Variants in SPEF2 observed in about 807,000 individuals in gnomAD.
SPEF2 encodes the protein sperm flagella and cilia-associated protein 2.
In SPEF2, 187 loss-of-function variants were observed where a neutral mutation model predicts 224.6. The observed-to-expected ratio is 0.83, with a 90% CI of 0.74 to 0.94. The LOEUF (loss-of-function observed/expected upper bound fraction) is 0.94. Ranked by LOEUF, SPEF2 falls within the 40% of genes least tolerant of loss-of-function variation. The pLI is 0.00. For missense variants in SPEF2, 2,170 were observed against 2,135.6 expected (o/e 1.02, Z -0.32); for synonymous variants, 715 against 707.3 (o/e 1.01, Z -0.17).
chr5:35,796,989 A>C (rs1756757579), intron 33 of SPEF2, among the ~76,000 whole-genome samples: 1 of 152,168 alleles, frequency 6.6e-6, no homozygotes, highest in Admixed American at 6.5e-5. Context: ...GCGTTTTGGA[A>C]TGGTCTGTAT....
At chr5:35,710,919 G>C (rs936759456) in intron 19 of SPEF2, 1 of 980,646 alleles carries the variant, frequency 1.0e-6, no homozygotes. Context: ...AGAATGTTTA[G>C]AAAGGTTAAT....
intron 25 of SPEF2, among the ~76,000 whole-genome samples, chr5:35,761,430 G>A (rs2149752528): frequency 6.6e-6 from 1 of 152,166 alleles, no homozygotes; most frequent in South Asian, 2.1e-4. Flanking sequence ...ATTACCTATT[G>A]TATGTTCCTG....
intron 26 of SPEF2, among the ~76,000 whole-genome samples, chr5:35,771,252 AG>A (rs1424875248): frequency 6.6e-5 from 10 of 152,208 alleles, no homozygotes; most frequent in African/African-American, 2.4e-4. Context: ...AAGAGATTAA[AG>A]GAACTGAGAA....
intron 12 of SPEF2, 106 bp downstream of exon 12, chr5:35,692,830 C>A: frequency 2.1e-6 from 2 of 974,986 alleles, no homozygotes; most frequent in Non-Finnish European, 2.9e-6. Flanking sequence ...TCTGTACAGA[C>A]CCAGAGAGTA....
chr5:35,635,801 A>C (rs1745752441), intron 2 of SPEF2, among the ~76,000 whole-genome samples: 1 of 152,188 alleles, frequency 6.6e-6, no homozygotes, highest in Non-Finnish European at 1.5e-5. Context: ...AGCCTCATAG[A>C]GTGTTTATGT....
intron 10 of SPEF2, among the ~76,000 whole-genome samples, chr5:35,677,087 TTCC>T (rs1752131040): frequency 6.6e-6 from 1 of 152,116 alleles, no homozygotes. Flanking sequence ...GAAGAGGGTA[TTCC>T]GTGTGGAAAA....
At chr5:35,631,075 G>A (rs1372253581) in intron 2 of SPEF2, among the ~76,000 whole-genome samples, 3 of 152,180 alleles carry the variant, frequency 2.0e-5, no homozygotes, top group African/African-American at 7.2e-5. Context: ...ATTTACAAAA[G>A]AAAGTTGTTT....
chr5:35,773,746 A>T (rs1361237187), intron 27 of SPEF2, 147 bp from the exon 28 acceptor site: 2 of 904,270 alleles, frequency 2.2e-6, no homozygotes, highest in Non-Finnish European at 3.1e-6. Flanking sequence ...TTCATCACAG[A>T]TGCTGGGAGG....
intron 7 of SPEF2, among the ~76,000 whole-genome samples, chr5:35,658,189 T>C (rs1406351293): frequency 6.6e-6 from 1 of 152,202 alleles, no homozygotes; most frequent in African/African-American, 2.4e-5. Context: ...ACTGAGTTAA[T>C]TGCCCAAGGC....
intron 23 of SPEF2, among the ~76,000 whole-genome samples, chr5:35,743,554 G>C (rs976316193): frequency 2.0e-5 from 3 of 152,104 alleles, no homozygotes; most frequent in African/African-American, 7.2e-5. Flanking sequence ...AACTTCTGAA[G>C]TTAAGTTAAA....
At chr5:35,741,795 C>A (rs903104251) in intron 23 of SPEF2, among the ~76,000 whole-genome samples, 15 of 152,178 alleles carry the variant, frequency 9.9e-5, no homozygotes, top group African/African-American at 3.4e-4. Context: ...AAGAGTAATT[C>A]ATATCTATAT....
intron 21 of SPEF2, among the ~76,000 whole-genome samples, chr5:35,733,346 C>G (rs1216122270): frequency 6.6e-6 from 1 of 152,162 alleles, no homozygotes; most frequent in South Asian, 2.1e-4. Context: ...GATCTCCTCA[C>G]CTCGTGATCC....
intron 23 of SPEF2, among the ~76,000 whole-genome samples, chr5:35,743,481 A>G (rs957393374): frequency 4.6e-5 from 7 of 152,262 alleles, no homozygotes; most frequent in African/African-American, 1.7e-4. Context: ...GGCCAAATCC[A>G]CCTTATCAAA....
chr5:35,670,681 T>C (rs1751117664), intron 10 of SPEF2: 1 of 985,620 alleles, frequency 1.0e-6, no homozygotes. Context: ...CAATCTTTTA[T>C]TCAAAGATTG....
chr5:35,756,685 A>G (rs1341675640), intron 24 of SPEF2, among the ~76,000 whole-genome samples: 2 of 152,202 alleles, frequency 1.3e-5, no homozygotes, highest in African/African-American at 2.4e-5. Flanking sequence ...ATGTTTCCCA[A>G]AGCGGGTTCC....
intron 20 of SPEF2, among the ~76,000 whole-genome samples, chr5:35,718,431 C>G (rs1743009854): frequency 6.6e-6 from 1 of 152,096 alleles, no homozygotes; most frequent in African/African-American, 2.4e-5. Context: ...AGATGAATGA[C>G]CACCCATCTA....
chr5:35,714,779 C>T (rs1191557776), intron 20 of SPEF2, among the ~76,000 whole-genome samples: 1 of 151,626 alleles, frequency 6.6e-6, no homozygotes, highest in African/African-American at 2.4e-5. Context: ...AATCTGGTGG[C>T]ATTGCATTGC....
intron 36 of SPEF2, among the ~76,000 whole-genome samples, chr5:35,809,556 G>C (rs912848230): frequency 4.6e-5 from 7 of 152,054 alleles, no homozygotes; most frequent in Non-Finnish European, 1.5e-5. Context: ...GCAAGGTCTG[G>C]GGAAGGCATG....
intron 33 of SPEF2, among the ~76,000 whole-genome samples, chr5:35,796,445 A>G (rs1756676698): frequency 2.1e-5 from 1 of 47,130 alleles, no homozygotes; most frequent in Non-Finnish European, 4.1e-5. Flanking sequence ...CCCCGTCTCT[A>G]CTAAAAATAC....
Sources: allele counts gnomAD v4.1 joint callset (sites outside exome capture counted in the v4.1 genomes callset), GRCh38; gene constraint gnomAD v4.1.1; transcripts MANE v1.5; gene names NCBI Gene and HGNC (gene_info 2026-07-23, HGNC 2026-07-21).